The following RIMS2 variants were observed in gnomAD, a reference collection of about 807,000 sequenced individuals.
RIMS2 encodes the protein regulating synaptic membrane exocytosis protein 2.
In RIMS2, 59 loss-of-function variants were observed where a neutral mutation model predicts 174.4. That is an observed-to-expected ratio of 0.34 (90% CI 0.27 to 0.42). RIMS2 has a LOEUF of 0.42. RIMS2 is among the 10% of genes least tolerant of loss of function. RIMS2 has a pLI of 1.00. For missense variants in RIMS2, 1,620 were observed against 1,666.3 expected (o/e 0.97, Z 0.48); for synonymous variants, 606 against 572.5 (o/e 1.06, Z -0.84).
intron 3 of RIMS2, among the ~76,000 whole-genome samples, chr8:103,822,357 G>A (rs1334845297): frequency 6.6e-6 from 1 of 151,716 alleles, no homozygotes; most frequent in Non-Finnish European, 1.5e-5. Flanking sequence ...CATAACAACT[G>A]CTCCAGAAAC....
At chr8:103,871,338 G>A (rs147498778) in intron 3 of RIMS2, among the ~76,000 whole-genome samples, 1,844 of 152,254 alleles carry the variant, frequency 0.012, 45 homozygotes, top group African/African-American at 0.042. Context: ...AGGTTGCAGT[G>A]AGCTGAGATT....
At chr8:103,639,291 T>A (rs2096169945) in intron 1 of RIMS2, among the ~76,000 whole-genome samples, 1 of 151,966 alleles carries the variant, frequency 6.6e-6, no homozygotes, top group Non-Finnish European at 1.5e-5. Flanking sequence ...TGTCACACTT[T>A]GTATTCCTTC....
At chr8:103,767,272 C>G (rs544454915) in intron 3 of RIMS2, among the ~76,000 whole-genome samples, 6 of 151,534 alleles carry the variant, frequency 4.0e-5, no homozygotes, top group Non-Finnish European at 7.4e-5. Flanking sequence ...ACTGCAATCC[C>G]TGCTTCCCAG....
At chr8:103,692,660 C>T (rs1590451336) in intron 1 of RIMS2, among the ~76,000 whole-genome samples, 2 of 152,298 alleles carry the variant, frequency 1.3e-5, no homozygotes, top group Middle Eastern at 3.4e-3. Flanking sequence ...TCCTTTCTGG[C>T]CCAGAGTATC....
intron 2 of RIMS2, 84 bp downstream of exon 4, chr8:103,697,380 C>A: frequency 1.9e-6 from 2 of 1,062,104 alleles, no homozygotes; most frequent in Non-Finnish European, 2.9e-6. Flanking sequence ...TAATTCAACC[C>A]AAATAATATT....
chr8:104,010,775 C>T (rs1408135300), intron 17 of RIMS2, among the ~76,000 whole-genome samples: 7 of 152,130 alleles, frequency 4.6e-5, no homozygotes, highest in African/African-American at 1.7e-4. Flanking sequence ...TGAGGGGGCC[C>T]TGGCTTTTTC....
chr8:103,524,747 G>A (rs16870471), intron 1 of RIMS2, among the ~76,000 whole-genome samples: 4,696 of 151,972 alleles, frequency 0.031, 218 homozygotes, highest in African/African-American at 0.1. Context: ...GAGGATGCTG[G>A]AGCCTGCAGT....
intron 1 of RIMS2, among the ~76,000 whole-genome samples, chr8:103,688,891 C>A (rs2096976462): frequency 6.6e-6 from 1 of 151,952 alleles, no homozygotes; most frequent in South Asian, 2.1e-4. Flanking sequence ...CTTCTACTAA[C>A]TTTGGGCTTA....
At chr8:103,728,679 T>A (rs1175476218) in intron 2 of RIMS2, among the ~76,000 whole-genome samples, 1 of 151,626 alleles carries the variant, frequency 6.6e-6, no homozygotes, top group African/African-American at 2.4e-5. Context: ...AAAAAGTTTT[T>A]CCCTGTACAG....
At chr8:103,567,613 T>G (rs66926905) in intron 1 of RIMS2, among the ~76,000 whole-genome samples, 17,670 of 152,266 alleles carry the variant, frequency 0.12, 1,366 homozygotes, top group Non-Finnish European at 0.17. Context: ...TTATGAATAA[T>G]GCTGTGAACA....
chr8:104,219,786 TA>T (rs2099147167), intron 19 of RIMS2, among the ~76,000 whole-genome samples: 1 of 152,186 alleles, frequency 6.6e-6, no homozygotes, highest in Admixed American at 6.5e-5. Flanking sequence ...TTTTATGTAA[TA>T]AAATTATATA....
intron 19 of RIMS2, among the ~76,000 whole-genome samples, chr8:104,146,239 C>T (rs1293389361): frequency 7.2e-6 from 1 of 139,816 alleles, no homozygotes; most frequent in Non-Finnish European, 1.5e-5. Context: ...GCCAGGTGTG[C>T]TGGCATGCAC....
At chr8:103,766,180 T>G (rs769995457) in intron 2 of RIMS2, 47 bp from the exon 6 acceptor site, 2 of 1,363,722 alleles carry the variant, frequency 1.5e-6, no homozygotes, top group Non-Finnish European at 2.0e-6. Flanking sequence ...TATTTGTTTT[T>G]AACTTTTGGG....
downstream of RIMS2, chr8:104,253,330 A>C (rs979848497): frequency 2.2e-4 from 34 of 152,172 alleles, no homozygotes; most frequent in African/African-American, 7.5e-4. Flanking sequence ...TACTATGTGA[A>C]TAGAAGCACT....
intron 19 of RIMS2, among the ~76,000 whole-genome samples, chr8:104,111,746 A>G (rs541181519): frequency 1.3e-5 from 2 of 152,256 alleles, no homozygotes; most frequent in East Asian, 1.9e-4. Context: ...TGCTTCCAAC[A>G]ATACGTTGGC....
chr8:103,814,938 A>T (rs977292600), intron 3 of RIMS2, among the ~76,000 whole-genome samples: 2 of 152,172 alleles, frequency 1.3e-5, no homozygotes, highest in African/African-American at 4.8e-5. Context: ...CTACTATTTT[A>T]TTTACTTGAG....
intron 19 of RIMS2, among the ~76,000 whole-genome samples, 155 bp downstream of exon 23, chr8:104,068,767 C>T (rs13279844): frequency 1.3e-5 from 2 of 151,864 alleles, no homozygotes; most frequent in African/African-American, 4.8e-5. Flanking sequence ...GTTTGTATAC[C>T]GCTCTTAGCA....
intron 3 of RIMS2, among the ~76,000 whole-genome samples, chr8:103,878,411 G>C (rs1429270868): frequency 6.6e-6 from 1 of 151,868 alleles, no homozygotes; most frequent in Non-Finnish European, 1.5e-5. Flanking sequence ...TTCATGCCTG[G>C]AATGGAACCT....
chr8:103,972,973 CAT>C (rs1329486695), intron 15 of RIMS2, among the ~76,000 whole-genome samples: 2 of 152,126 alleles, frequency 1.3e-5, no homozygotes, highest in African/African-American at 2.4e-5. Context: ...GCTCAGTAGT[CAT>C]GTGTCTAGTG....
Sources: allele counts gnomAD v4.1 joint callset (sites outside exome capture counted in the v4.1 genomes callset), GRCh38; gene constraint gnomAD v4.1.1; transcripts MANE v1.5; gene names NCBI Gene and HGNC (gene_info 2026-07-23, HGNC 2026-07-21).